RAP1GDS1: variants seen among roughly 807,000 people sequenced by gnomAD.
The protein encoded by RAP1GDS1 is Rap1 GTPase-GDP dissociation stimulator 1.
Under a neutral mutation model 71.1 loss-of-function variants are expected in RAP1GDS1, and 35 were observed. The ratio of observed to expected loss-of-function variants is 0.49; its 90% CI spans 0.38 to 0.65. The LOEUF (loss-of-function observed/expected upper bound fraction) is 0.65, where lower values mean the gene tolerates loss of function less well. RAP1GDS1 is among the 30% of genes least tolerant of loss of function. The pLI is 0.00. For synonymous variants in RAP1GDS1, 229 were observed against 243.1 expected (o/e 0.94, Z 0.54); for missense variants, 663 against 706.1 (o/e 0.94, Z 0.69).
At chr4:98,430,026 AAATT>A (rs1750172544) in intron 12 of RAP1GDS1, among the ~76,000 whole-genome samples, 1 of 152,150 alleles carries the variant, frequency 6.6e-6, no homozygotes, top group Non-Finnish European at 1.5e-5. Flanking sequence ...AATATTTAAT[AAATT>A]TAAAGATTTT....
chr4:98,288,949 G>T (rs866720703), intron 1 of RAP1GDS1, among the ~76,000 whole-genome samples: 3 of 152,132 alleles, frequency 2.0e-5, no homozygotes, highest in Non-Finnish European at 2.9e-5. Flanking sequence ...AATAACTGGA[G>T]AATTTGATTA....
At chr4:98,321,758 T>C (rs1731952728) in intron 2 of RAP1GDS1, among the ~76,000 whole-genome samples, 1 of 113,508 alleles carries the variant, frequency 8.8e-6, no homozygotes, top group Non-Finnish European at 1.8e-5. Context: ...CTAAAAGAGC[T>C]CCTGAAGGAA....
chr4:98,342,901 TCTGA>T (rs1331471960), intron 2 of RAP1GDS1, among the ~76,000 whole-genome samples: 1 of 152,208 alleles, frequency 6.6e-6, no homozygotes, highest in African/African-American at 2.4e-5. Flanking sequence ...TTCTTTATAG[TCTGA>T]CTGTAAATAA....
chr4:98,277,170 C>G (rs1421542100), intron 1 of RAP1GDS1, among the ~76,000 whole-genome samples: 1 of 152,164 alleles, frequency 6.6e-6, no homozygotes, highest in Non-Finnish European at 1.5e-5. Context: ...AGGATTCATC[C>G]AAGTAAGTGA....
At chr4:98,429,290 G>A (rs963833205) in intron 12 of RAP1GDS1, among the ~76,000 whole-genome samples, 1 of 151,296 alleles carries the variant, frequency 6.6e-6, no homozygotes, top group Non-Finnish European at 1.5e-5. Context: ...AAACTATGAT[G>A]TGTATATATA....
intron 9 of RAP1GDS1, 126 bp from the exon 10 acceptor site, chr4:98,418,531 G>A (rs1166967583): frequency 5.6e-6 from 5 of 895,378 alleles, no homozygotes; most frequent in Non-Finnish European, 7.6e-6. Flanking sequence ...ATGGGAGAAA[G>A]ATTTGGAATT....
intron 2 of RAP1GDS1, among the ~76,000 whole-genome samples, chr4:98,312,124 T>C (rs1217381602): frequency 1.3e-5 from 2 of 152,212 alleles, no homozygotes; most frequent in African/African-American, 4.8e-5. Flanking sequence ...TCTTCTACTA[T>C]GATACTTGTA....
At chr4:98,277,483 T>C (rs1724394824) in intron 1 of RAP1GDS1, among the ~76,000 whole-genome samples, 1 of 152,200 alleles carries the variant, frequency 6.6e-6, no homozygotes, top group African/African-American at 2.4e-5. Context: ...CCTTTCACTG[T>C]CCCCTATATT....
rs1231929014 is a variant in RAP1GDS1 at position 98,416,788 on chromosome 4, T to C, written c.807T>C (p.Cys269=). 3.1e-6 allele frequency: 5 copies of C among 1,611,138 alleles called. No homozygotes were observed. The Admixed American group carries it at 8.3e-5, about 27-fold the overall frequency. Residue 269 remains cysteine (C), a synonymous_variant, in exon 8 of 15, where the codon TGT becomes TGC. Transcript: ENST00000408927. ...TGGTTGAAGCAGGCCTAGTAGAGTG[T>C]CTACTAGAGATTGTTCAGCAAAAAG... ...LQLVEAGLVE[C]LLEIVQQKVD...
intron 2 of RAP1GDS1, among the ~76,000 whole-genome samples, chr4:98,300,636 G>A (rs1299751860): frequency 6.6e-6 from 1 of 152,016 alleles, no homozygotes; most frequent in Non-Finnish European, 1.5e-5. Context: ...CCTGACCTCA[G>A]GTGATCCACC....
At chr4:98,323,722 AC>A (rs1267643355) in intron 2 of RAP1GDS1, among the ~76,000 whole-genome samples, 5 of 148,494 alleles carry the variant, frequency 3.4e-5, no homozygotes. Context: ...AAATTCAACA[AC>A]CCTTCATGCT....
chr4:98,416,779 A>G lies in RAP1GDS1; in HGVS notation c.798A>G (p.Leu266=), dbSNP rs1335306578. Residue 266 remains leucine (L), a synonymous_variant, in exon 8 of 15, where the codon CTA becomes CTG. Coordinates refer to ENST00000408927, the MANE Select transcript of RAP1GDS1 (RefSeq NM_001100427.2). ...AACTACAGCTGGTTGAAGCAGGCCTAGTAGAGTGTCTACTAGAGATTGTTC... is the reference window on the plus strand; with the variant it reads ...AACTACAGCTGGTTGAAGCAGGCCTGGTAGAGTGTCTACTAGAGATTGTTC... ...AIKLQLVEAG[L]VECLLEIVQQ... The G allele has an allele frequency of 1.2e-6, 2 of 1,610,250 alleles. No homozygotes were observed. Among genetic ancestry groups the G allele is most frequent in the Admixed American group, 1.7e-5 (1 of 60,006 alleles).
Position 98,443,018 on chromosome 4 carries a change from T to TTTTTTTC in RAP1GDS1, c.*907_*908insCTTTTTT, listed in dbSNP as rs1305969359. ...GTATAGTTCATTGAAGAATGGAATT[T>TTTTTTTC]TTTTTTTTTTTTTTTTTTTTGCTGT... On this transcript the variant is annotated 3_prime_UTR_variant, in exon 15 of 15. Transcript: ENST00000408927. 5,235 of 184,012 alleles carry TTTTTTTC rather than the reference T, an allele frequency of 0.028. 257 individuals carry two copies. The highest frequency in any genetic ancestry group is 0.11 in the African/African-American group (3,863 of 36,406). 11.4% of individuals were successfully genotyped at this position (184,012 alleles called of 1,614,324 possible). A position where few individuals can be genotyped will look rare whatever the true frequency, so the allele number is the denominator to read the frequency against.
intron 4 of RAP1GDS1, among the ~76,000 whole-genome samples, chr4:98,366,309 T>G (rs1315297784): frequency 1.3e-5 from 2 of 152,170 alleles, no homozygotes; most frequent in Non-Finnish European, 2.9e-5. Flanking sequence ...ATTGAAGACA[T>G]GACTTGCTTC....
chr4:98,416,706 A>G (rs769401329), intron 7 of RAP1GDS1, 39 bp from the exon 8 acceptor site: 1 of 1,540,394 alleles, frequency 6.5e-7, no homozygotes, highest in South Asian at 1.1e-5. Context: ...CTCCTATTTT[A>G]TCTCAAAGTT....
chr4:98,437,705 A>G (rs1042037137), intron 14 of RAP1GDS1, among the ~76,000 whole-genome samples: 5 of 151,890 alleles, frequency 3.3e-5, no homozygotes, highest in Non-Finnish European at 7.4e-5. Context: ...AGGCAAGACA[A>G]TCGCTTGAAC....
chr4:98,402,024 G>A (rs1255547558), intron 6 of RAP1GDS1, among the ~76,000 whole-genome samples: 1 of 152,100 alleles, frequency 6.6e-6, no homozygotes, highest in Non-Finnish European at 1.5e-5. Flanking sequence ...CTGAAGCAGA[G>A]GGATAACCAA....
intron 4 of RAP1GDS1, among the ~76,000 whole-genome samples, chr4:98,353,714 C>T (rs1248677986): frequency 6.6e-6 from 1 of 152,154 alleles, no homozygotes; most frequent in Non-Finnish European, 1.5e-5. Flanking sequence ...CTTCAGTTTT[C>T]AGTCCCCAGT....
intron 12 of RAP1GDS1, among the ~76,000 whole-genome samples, chr4:98,431,090 C>G (rs1286293814): frequency 6.6e-6 from 1 of 152,190 alleles, no homozygotes; most frequent in Non-Finnish European, 1.5e-5. Flanking sequence ...TAAAAACTCC[C>G]TGCTATCAAA....
Sources: gnomAD v4.1 joint callset for allele counts (sites outside exome capture counted in the v4.1 genomes callset) on GRCh38, gnomAD v4.1.1 for gene constraint, MANE v1.5 for transcripts, NCBI Gene and HGNC (gene_info 2026-07-23, HGNC 2026-07-21) for gene names.